The following CENPP variants were observed in gnomAD, a reference collection of about 807,000 sequenced individuals.
CENPP encodes centromere protein P.
Under a neutral mutation model 35.6 loss-of-function variants are expected in CENPP, and 24 were observed. The observed-to-expected ratio is 0.67, with a 90% CI of 0.49 to 0.95. CENPP has a LOEUF of 0.95. Ranked by LOEUF, CENPP falls within the 40% of genes least tolerant of loss-of-function variation. The pLI, the probability that CENPP is intolerant of heterozygous loss-of-function variation, is 0.00. For synonymous variants in CENPP, 120 were observed against 125.5 expected, an observed-to-expected ratio of 0.96 and a Z score of 0.29; for missense variants, 332 against 345.3, an observed-to-expected ratio of 0.96 and a Z score of 0.31.
rs190639116 is a variant in CENPP, at chr9:92,569,626, G to A, written c.565-41688G>A. 3.6e-3 allele frequency among the ~76,000 whole-genome samples: 544 copies of A among 152,250 alleles called. 1 individual carries two copies. The highest frequency in any genetic ancestry group is 5.4e-3 in the Non-Finnish European group (367 of 68,004). On this transcript the variant is annotated intron_variant, in intron 5 of 7. Coordinates refer to ENST00000375587, the MANE Select transcript of CENPP (RefSeq NM_001012267.3). ...TTCCAATTCTGTGAAGAAAGTCATT[G>A]GTAACTTGATGGGGATGGCATTGAA... is the stretch of plus-strand genomic sequence containing the variant.
intron 5 of CENPP, among the ~76,000 whole-genome samples, chr9:92,557,481 C>T (rs569748380): frequency 8.5e-5 from 13 of 152,210 alleles, no homozygotes; most frequent in Non-Finnish European, 1.6e-4. Flanking sequence ...GGTCGTTTAA[C>T]ATAATCCCAG....
chr9:92,527,947 A>T (rs1435729499), intron 5 of CENPP: 1 of 153,952 alleles, frequency 6.5e-6, no homozygotes, highest in Non-Finnish European at 1.5e-5. Context: ...TAGTTTGACA[A>T]CTAGTAACCA....
At chr9:92,532,558 G>A (rs1848864381) in intron 5 of CENPP, among the ~76,000 whole-genome samples, 1 of 151,748 alleles carries the variant, frequency 6.6e-6, no homozygotes, top group African/African-American at 2.4e-5. Context: ...ATTCATCCTG[G>A]TTATTCTCTG....
intron 5 of CENPP, chr9:92,494,186 C>CGTTTAGTATCTGTCTCTGT (rs1846251175): frequency 6.3e-7 from 1 of 1,582,986 alleles, no homozygotes; most frequent in Non-Finnish European, 8.6e-7. Flanking sequence ...ATGAATGAAT[C>CGTTTAGTATCTGTCTCTGT]GTTTAGTATC....
At chr9:92,555,865 A>G (rs1849713035) in intron 5 of CENPP, among the ~76,000 whole-genome samples, 1 of 151,796 alleles carries the variant, frequency 6.6e-6, no homozygotes, top group South Asian at 2.1e-4. Flanking sequence ...TATCATTTGT[A>G]TTTTTTTGTT....
At chr9:92,367,404 T>A (rs2130846090) in intron 4 of CENPP, among the ~76,000 whole-genome samples, 1 of 152,152 alleles carries the variant, frequency 6.6e-6, no homozygotes, top group South Asian at 2.1e-4. Context: ...TGGTCTTAGG[T>A]GATCTGTCCA....
chr9:92,531,609 T>G (rs1848756337), intron 5 of CENPP, among the ~76,000 whole-genome samples: 1 of 152,190 alleles, frequency 6.6e-6, no homozygotes, highest in South Asian at 2.1e-4. Flanking sequence ...ACCCACTAGA[T>G]GCCATTAGTA....
At chr9:92,515,055 T>C (rs1215879948) in intron 5 of CENPP, 1 of 1,614,046 alleles carries the variant, frequency 6.2e-7, no homozygotes, top group Non-Finnish European at 8.5e-7. Context: ...CAGATTGAAG[T>C]GCTTCTTTTC....
intron 4 of CENPP, among the ~76,000 whole-genome samples, chr9:92,365,842 A>T (rs1481846834): frequency 6.6e-6 from 1 of 151,670 alleles, no homozygotes; most frequent in Non-Finnish European, 1.5e-5. Context: ...AAAGGTGTTT[A>T]ATCTCTGTGG....
intron 5 of CENPP, chr9:92,495,583 G>A (rs1365134591): frequency 1.8e-5 from 18 of 978,568 alleles, no homozygotes; most frequent in Admixed American, 6.2e-5. Context: ...GAATAGTGAA[G>A]GTAATCTTAA....
At chr9:92,389,816 C>T in intron 5 of CENPP, 2 of 1,344,188 alleles carry the variant, frequency 1.5e-6, no homozygotes, top group Non-Finnish European at 2.1e-6. Flanking sequence ...ATCATATCAT[C>T]ACTCATACTA....
intron 5 of CENPP, among the ~76,000 whole-genome samples, chr9:92,590,855 A>T (rs571886156): frequency 1.2e-4 from 18 of 152,356 alleles, no homozygotes; most frequent in African/African-American, 3.8e-4. Flanking sequence ...TGTATCAAAG[A>T]TTTCTAATCT....
At chr9:92,486,615 G>A (rs1235574783) in intron 5 of CENPP, among the ~76,000 whole-genome samples, 4 of 152,094 alleles carry the variant, frequency 2.6e-5, no homozygotes, top group Admixed American at 2.6e-4. Flanking sequence ...CTGTTGCAGG[G>A]ACTGGCTTCT....
At chr9:92,406,769 G>A (rs75718734) in intron 5 of CENPP, among the ~76,000 whole-genome samples, 299 of 152,184 alleles carry the variant, frequency 2.0e-3, no homozygotes, top group African/African-American at 6.9e-3. Context: ...GTTGACTGAC[G>A]GCCTCCCTCA....
At chr9:92,550,884 A>C (rs1295012599) in intron 5 of CENPP, among the ~76,000 whole-genome samples, 1 of 152,084 alleles carries the variant, frequency 6.6e-6, no homozygotes, top group Admixed American at 6.6e-5. Flanking sequence ...AGCCCGCCAC[A>C]CTTTTCTACC....
intron 5 of CENPP, among the ~76,000 whole-genome samples, chr9:92,524,842 A>G (rs1446791706): frequency 6.6e-6 from 1 of 152,236 alleles, no homozygotes; most frequent in East Asian, 1.9e-4. Flanking sequence ...TCTCACAGGC[A>G]TACCTTGGTC....
Position 92,593,907 on chromosome 9 carries a change from C to T in CENPP, c.565-17407C>T, listed in dbSNP as rs117549567. On this transcript the variant is annotated intron_variant, in intron 5 of 7. Coordinates refer to ENST00000375587, the MANE Select transcript of CENPP (RefSeq NM_001012267.3). This position sits in a 1 kb window ranked among gnomAD's most constrained non-coding sequence, Gnocchi z 4.1. ...TAGGTACACTTTGCTACCTTTCTCA[C>T]GAATCTCAAAGGTAATATGATATCC... Among the ~76,000 whole-genome samples the T allele has an allele frequency of 2.7e-3, 404 of 152,200 alleles. 2 individuals are homozygous for T. Among genetic ancestry groups the T allele is most frequent in the Admixed American group, 5.3e-3 (81 of 15,290 alleles).
At chr9:92,595,260 GAGATA>G (rs1334631324) in intron 5 of CENPP, among the ~76,000 whole-genome samples, 7 of 151,894 alleles carry the variant, frequency 4.6e-5, no homozygotes, top group Non-Finnish European at 7.4e-5. Flanking sequence ...TGATTTTTTG[GAGATA>G]AGATCTCACT....
intron 5 of CENPP, among the ~76,000 whole-genome samples, chr9:92,400,307 G>A (rs1003078005): frequency 6.6e-6 from 1 of 151,954 alleles, no homozygotes; most frequent in Non-Finnish European, 1.5e-5. Flanking sequence ...CTGCCACCAC[G>A]CCTGGCTAAT....
Sources: gnomAD v4.1 joint callset for allele counts (sites outside exome capture counted in the v4.1 genomes callset) on GRCh38, gnomAD v4.1.1 for gene constraint, Gnocchi (gnomAD v3.1) non-coding constraint, MANE v1.5 for transcripts, NCBI Gene and HGNC (gene_info 2026-07-23, HGNC 2026-07-21) for gene names.